Variants in CEMIP2 observed in about 807,000 individuals in gnomAD.
CEMIP2 encodes the protein cell migration inducing hyaluronidase 2, also known as cell surface hyaluronidase CEMIP2.
CEMIP2 carries 79 observed loss-of-function variants against 146.9 expected under a neutral mutation model. That is an observed-to-expected ratio of 0.54 (90% confidence interval 0.45 to 0.65). The LOEUF (loss-of-function observed/expected upper bound fraction) is 0.65, where lower values mean the gene tolerates loss of function less well. CEMIP2 is among the 30% of genes least tolerant of loss of function. The pLI, the probability that CEMIP2 is intolerant of heterozygous loss-of-function variation, is 0.00. For synonymous variants in CEMIP2, 601 were observed against 606.3 expected, an observed-to-expected ratio of 0.99 and a Z score of 0.13; for missense variants, 1,596 against 1,696.2, an observed-to-expected ratio of 0.94 and a Z score of 1.04.
At chr9:71,731,458 G>A (rs185441595) in intron 7 of CEMIP2, among the ~76,000 whole-genome samples, 127 of 152,206 alleles carry the variant, frequency 8.3e-4, no homozygotes, top group African/African-American at 2.6e-3. Flanking sequence ...TGTAACAGGC[G>A]GGGTACAGTG....
chr9:71,753,556 T>C (rs1824321860), intron 1 of CEMIP2, among the ~76,000 whole-genome samples: 2 of 152,200 alleles, frequency 1.3e-5, no homozygotes, highest in African/African-American at 4.8e-5. Flanking sequence ...ACCTCTACTT[T>C]ATTGAAAAAT....
Position 71,728,280 on chromosome 9 carries a change from TGTATATATATATATATATATAC to T in CEMIP2, c.2049+1543_2049+1564del, listed in dbSNP as rs1823486967. ...ATACACGTATATATATATATATATA[TGTATATATATATATATATATAC>T]ATATATATATATATACGTATATATA... On this transcript the variant is annotated intron_variant, in intron 10 of 23. Coordinates refer to ENST00000377044, the MANE Select transcript of CEMIP2 (RefSeq NM_013390.3). 2.4e-4 allele frequency among the ~76,000 whole-genome samples: 3 copies of T among 12,652 alleles called. 1 individual carries two copies. The highest frequency in any genetic ancestry group is 6.7e-3 in the South Asian group (2 of 298). 8.3% of individuals were successfully genotyped at this position (12,652 alleles called of 152,430 possible). A position where few individuals can be genotyped will look rare whatever the true frequency, so the allele number is the denominator to read the frequency against.
intron 4 of CEMIP2, among the ~76,000 whole-genome samples, chr9:71,740,737 T>G (rs1368351829): frequency 6.6e-6 from 1 of 152,188 alleles, no homozygotes; most frequent in Admixed American, 6.5e-5. Context: ...CATTTGTAGT[T>G]TGCAATAATT....
chr9:71,705,574 T>C (rs1589134475), intron 17 of CEMIP2, among the ~76,000 whole-genome samples: 1 of 152,086 alleles, frequency 6.6e-6, no homozygotes, highest in Non-Finnish European at 1.5e-5. Flanking sequence ...TATAATCTTA[T>C]CCATATTGAC....
intron 14 of CEMIP2, 83 bp from the exon 15 acceptor site, chr9:71,715,172 A>G (rs775460236): frequency 4.7e-6 from 7 of 1,488,650 alleles, no homozygotes; most frequent in Non-Finnish European, 6.3e-6. Flanking sequence ...TATAACTGAA[A>G]AGCTAAAAGT....
At position 71,709,393 on chromosome 9, in the gene CEMIP2, G is replaced by A; in HGVS notation, c.2851C>T (p.His951Tyr). Residue 951 changes from histidine (H) to tyrosine (Y), a missense_variant, in exon 17 of 24, where the codon CAT becomes TAT. Transcript: ENST00000377044. Reference sequence around the variant, plus strand: ...CCTGTCACAGAGCCATCAATGTCATGGAATATGGAGTTCTTATCACCATCC... The same window carrying A: ...CCTGTCACAGAGCCATCAATGTCATAGAATATGGAGTTCTTATCACCATCC... Reference protein sequence around the residue: ...EMDGDKNSIFHDIDGSVTGYK... With the variant: ...EMDGDKNSIFYDIDGSVTGYK... The A allele has an allele frequency of 6.2e-7, 1 of 1,614,174 alleles. No individual in the cohort carries two copies. The highest frequency in any genetic ancestry group is 8.5e-7 in the Non-Finnish European group (1 of 1,180,024).
chr9:71,730,952 C>G (rs369703754), intron 7 of CEMIP2, 38 bp from the exon 8 acceptor site: 59 of 1,566,196 alleles, frequency 3.8e-5, no homozygotes, highest in Middle Eastern at 1.7e-4. Context: ...TCATACTTTT[C>G]AGAATAGGGA....
chr9:71,754,324 T>C (rs1824354320), intron 1 of CEMIP2, among the ~76,000 whole-genome samples: 1 of 152,172 alleles, frequency 6.6e-6, no homozygotes, highest in Admixed American at 6.5e-5. Context: ...ATCCCTAAAG[T>C]TGTTAGTACT....
intron 20 of CEMIP2, among the ~76,000 whole-genome samples, chr9:71,696,961 A>C (rs1318851431): frequency 1.3e-5 from 2 of 152,222 alleles, no homozygotes; most frequent in Non-Finnish European, 2.9e-5. Flanking sequence ...AATAGGAAGA[A>C]ATGAAAAGAA....
Position 71,685,147 on chromosome 9 carries a change from T to G in CEMIP2, c.*50A>C. Reference sequence around the variant, plus strand: ...TCATTTTAAAATGCCATAAATTAAATAAGTTAGTTCACATTTTTTTTCCCC... The same window carrying G: ...TCATTTTAAAATGCCATAAATTAAAGAAGTTAGTTCACATTTTTTTTCCCC... On this transcript the variant is annotated 3_prime_UTR_variant, in exon 24 of 24. Coordinates refer to ENST00000377044, the MANE Select transcript of CEMIP2 (RefSeq NM_013390.3). The G allele has an allele frequency of 2.0e-6, 3 of 1,482,382 alleles. No homozygotes were observed. The highest frequency in any genetic ancestry group is 2.7e-6 in the Non-Finnish European group (3 of 1,102,414). The allele number at this position is 1,482,382 out of a possible 1,614,324, so 91.8% of individuals were successfully genotyped here. A position where few individuals can be genotyped will look rare whatever the true frequency, so the allele number is the denominator to read the frequency against.
chr9:71,739,162 T>C (rs73477460), intron 5 of CEMIP2, among the ~76,000 whole-genome samples: 10,265 of 151,942 alleles, frequency 0.068, 1,104 homozygotes, highest in African/African-American at 0.23. Flanking sequence ...AAAATGAGTA[T>C]TTATCACTAA....
At chr9:71,705,611 A>C (rs964845584) in intron 17 of CEMIP2, among the ~76,000 whole-genome samples, 1 of 151,908 alleles carries the variant, frequency 6.6e-6, no homozygotes, top group Non-Finnish European at 1.5e-5. Flanking sequence ...CTTTTTAACT[A>C]CCTCAATTAT....
intron 22 of CEMIP2, chr9:71,686,424 T>A (rs1202396115): frequency 6.1e-6 from 1 of 164,306 alleles, no homozygotes; most frequent in Non-Finnish European, 1.3e-5. Flanking sequence ...GACTTTACAT[T>A]ATGGTGAGCT....
rs1185447491 is a variant in CEMIP2, at chr9:71,685,410, A to G, written c.3956-17T>C. 7.4e-6 allele frequency: 11 copies of G among 1,482,644 alleles called. No individual in the cohort carries two copies. The highest frequency in any genetic ancestry group is 5.0e-5 in the East Asian group (2 of 40,020). 91.8% of individuals were successfully genotyped at this position (1,482,644 alleles called of 1,614,324 possible). A position where few individuals can be genotyped will look rare whatever the true frequency, so the allele number is the denominator to read the frequency against. ...TGGTACTCCCTAAAAAAAAAAAAAA[A>G]AAAGAAAAAGAAAAAAAATCAATTT... On this transcript the variant is annotated splice_polypyrimidine_tract_variant and intron_variant, in intron 23 of 23. Coordinates refer to ENST00000377044, the MANE Select transcript of CEMIP2 (RefSeq NM_013390.3).
At chr9:71,766,556 G>T (rs979705938) in intron 1 of CEMIP2, among the ~76,000 whole-genome samples, 5 of 152,152 alleles carry the variant, frequency 3.3e-5, no homozygotes, top group African/African-American at 1.2e-4. Flanking sequence ...ATTAGAACAT[G>T]ACTGAAGTGT....
intron 20 of CEMIP2, among the ~76,000 whole-genome samples, chr9:71,694,985 A>G (rs1043611549): frequency 6.6e-6 from 1 of 152,212 alleles, no homozygotes; most frequent in African/African-American, 2.4e-5. Context: ...ATGAGGAAAG[A>G]AGTGTAGATA....
chr9:71,733,179 A>G (rs1823672547), intron 6 of CEMIP2, among the ~76,000 whole-genome samples: 1 of 152,224 alleles, frequency 6.6e-6, no homozygotes, highest in Admixed American at 6.5e-5. Context: ...GACATTAACA[A>G]TAGATAAATT....
chr9:71,740,060 T>C lies in CEMIP2; in HGVS notation c.1204+3A>G, dbSNP rs1823870626. 1 of 1,613,032 alleles carries C rather than the reference T, an allele frequency of 6.2e-7. No homozygotes were observed. On this transcript the variant is annotated splice_donor_region_variant and intron_variant, in intron 5 of 23. Transcript: ENST00000377044. ...TACAAGAGTATAAACTCTACTTGCC[T>C]ACCTTCAATCCATTCACTATAAGCT...
Position 71,730,750 on chromosome 9 carries a change from G to C in CEMIP2, c.1728C>G (p.His576Gln). 6.2e-7 allele frequency: 1 copy of C among 1,614,226 alleles called. No homozygotes were observed. The highest frequency in any genetic ancestry group is 1.7e-5 in the Admixed American group (1 of 60,028). Residue 576 changes from histidine to glutamine, a missense_variant, in exon 8 of 24, where the codon CAC (histidine) becomes CAG (glutamine). Physicochemically the swap from His to Gln is conservative, Grantham distance 24. Transcript: ENST00000377044. ...GCACAGTGATGCACCTTGAGAAGCTGTGATGAATAGACAGGCCGTCCACAA... is the reference window on the plus strand; with the variant it reads ...GCACAGTGATGCACCTTGAGAAGCTCTGATGAATAGACAGGCCGTCCACAA... ...ATFVDGLSIH[H>Q]SFSRCITVHG... is the part of the protein sequence containing the mutation.
Sources: gnomAD v4.1 joint callset for allele counts (sites outside exome capture counted in the v4.1 genomes callset) on GRCh38, gnomAD v4.1.1 for gene constraint, MANE v1.5 for transcripts, NCBI Gene and HGNC (gene_info 2026-07-23, HGNC 2026-07-21) for gene names.